The following SDK1 variants were observed in gnomAD, a reference collection of about 807,000 sequenced individuals.
SDK1 encodes the protein sidekick cell adhesion molecule 1, also known as protein sidekick-1.
A neutral mutation model predicts 245.5 loss-of-function variants in SDK1; 157 were observed. The observed-to-expected ratio is 0.64, with a 90% CI of 0.56 to 0.73. The LOEUF (loss-of-function observed/expected upper bound fraction) is 0.73, where lower values mean the gene tolerates loss of function less well. Among genes scored for constraint, SDK1 ranks in the 30% least tolerant of loss-of-function variants. The pLI is 0.00. For missense variants in SDK1, 3,583 were observed against 3,002.3 expected, an observed-to-expected ratio of 1.19 and a Z score of -4.52; for synonymous variants, 1,647 against 1,278.5, an observed-to-expected ratio of 1.29 and a Z score of -6.15.
intron 4 of SDK1, among the ~76,000 whole-genome samples, chr7:3,762,579 T>C (rs1212530821): frequency 1.3e-5 from 2 of 152,236 alleles, no homozygotes; most frequent in Admixed American, 1.3e-4. Context: ...CTTTTAGCGA[T>C]AGCCATTCTC....
intron 22 of SDK1, among the ~76,000 whole-genome samples, chr7:4,086,483 G>A (rs1781436467): frequency 1.3e-5 from 2 of 152,182 alleles, no homozygotes; most frequent in South Asian, 4.1e-4. Context: ...TTGTAGGACT[G>A]AGGTCCCCAT....
At chr7:3,744,122 A>T (rs574113372) in intron 4 of SDK1, among the ~76,000 whole-genome samples, 1 of 152,080 alleles carries the variant, frequency 6.6e-6, no homozygotes, top group African/African-American at 2.4e-5. Flanking sequence ...CTTGCTGTTC[A>T]TCTGCCTTGA....
chr7:3,761,255 C>A (rs1780088916), intron 4 of SDK1, among the ~76,000 whole-genome samples: 1 of 139,722 alleles, frequency 7.2e-6, no homozygotes, highest in Admixed American at 7.6e-5. Flanking sequence ...ATCAAGCCCC[C>A]CCTCCTTTTT....
Position 4,208,303 on chromosome 7 carries a change from T to A in SDK1, c.5401+18T>A. ...CCAGGCCGGTAGGAGGAAGGCGGGTTTCCTTTGGGCAGGCCTCCTTGGACA... is the reference window on the plus strand; with the variant it reads ...CCAGGCCGGTAGGAGGAAGGCGGGTATCCTTTGGGCAGGCCTCCTTGGACA... On this transcript the variant is annotated intron_variant, in intron 37 of 44. Transcript: ENST00000404826. The A allele has an allele frequency of 2.5e-6, 4 of 1,604,880 alleles. No homozygotes were observed. The highest frequency in any genetic ancestry group is 3.4e-6 in the Non-Finnish European group (4 of 1,173,934).
In SDK1 at chr7:4,266,789, T is replaced by TGTGCCCCGGGTCCCTGTAA; in HGVS notation, c.*1413_*1431dup. 1.0e-6 allele frequency: 1 copy of TGTGCCCCGGGTCCCTGTAA among 985,470 alleles called. No individual in the cohort carries two copies. The highest frequency in any genetic ancestry group is 4.7e-5 in the South Asian group (1 of 21,290). 61.0% of individuals were successfully genotyped at this position (985,470 alleles called of 1,614,324 possible). A position where few individuals can be genotyped will look rare whatever the true frequency, so the allele number is the denominator to read the frequency against. On this transcript the variant is annotated 3_prime_UTR_variant, in exon 45 of 45. Coordinates refer to ENST00000404826, the MANE Select transcript of SDK1 (RefSeq NM_152744.4). ...AGCACTGCTGGTGCCCACTGGCGTG[T>TGTGCCCCGGGTCCCTGTAA]GTGCCCCGGGTCCCTGTAAGTGCCC...
chr7:3,447,371 T>C (rs1041822784), intron 1 of SDK1, among the ~76,000 whole-genome samples: 8 of 152,128 alleles, frequency 5.3e-5, no homozygotes, highest in Non-Finnish European at 1.0e-4. Flanking sequence ...GATGTTAACA[T>C]TGTAGGGTGT....
Position 3,814,488 on chromosome 7 carries a change from C to T in SDK1, c.714-6962C>T, listed in dbSNP as rs565870270. On this transcript the variant is annotated intron_variant, in intron 4 of 44. Transcript: ENST00000404826. ...TTGATCTGTATCTCTGTTTTGGTAC[C>T]GGTACCATGCTGTTTTGGTTACTGT... 1.1e-4 allele frequency among the ~76,000 whole-genome samples: 16 copies of T among 151,922 alleles called. 1 individual carries two copies. The highest frequency in any genetic ancestry group is 7.7e-4 in the East Asian group (4 of 5,172).
intron 1 of SDK1, among the ~76,000 whole-genome samples, chr7:3,602,988 A>G (rs1206674969): frequency 6.6e-6 from 1 of 152,182 alleles, no homozygotes; most frequent in African/African-American, 2.4e-5. Context: ...AGATAGTTGT[A>G]GATATACATG....
At chr7:4,211,497 G>A (rs999733544) in intron 38 of SDK1, among the ~76,000 whole-genome samples, 10 of 152,150 alleles carry the variant, frequency 6.6e-5, no homozygotes, top group African/African-American at 2.2e-4. Flanking sequence ...GGGTACTGGC[G>A]TGAAGTGGAG....
At chr7:3,938,234 G>C (rs1477003725) in intron 5 of SDK1, among the ~76,000 whole-genome samples, 1 of 152,154 alleles carries the variant, frequency 6.6e-6, no homozygotes, top group Non-Finnish European at 1.5e-5. Flanking sequence ...ACCTAATCTT[G>C]AGACAAATAC....
chr7:3,668,612 G>A (rs1282449090), intron 4 of SDK1, among the ~76,000 whole-genome samples: 1 of 152,154 alleles, frequency 6.6e-6, no homozygotes, highest in Non-Finnish European at 1.5e-5. Context: ...CCAATATGGT[G>A]AAACCCCATC....
intron 17 of SDK1, among the ~76,000 whole-genome samples, chr7:4,041,297 T>C (rs868502693): frequency 3.3e-5 from 5 of 151,726 alleles, no homozygotes; most frequent in Non-Finnish European, 7.4e-5. Flanking sequence ...ACTTTTTTTT[T>C]TTTTTGGAGT....
intron 1 of SDK1, among the ~76,000 whole-genome samples, chr7:3,569,984 A>G (rs1780055009): frequency 6.6e-6 from 1 of 152,122 alleles, no homozygotes; most frequent in Non-Finnish European, 1.5e-5. Flanking sequence ...CCTTAGGACC[A>G]TTATTTTCTC....
At chr7:4,063,247 T>A (rs1779652688) in intron 19 of SDK1, among the ~76,000 whole-genome samples, 1 of 152,182 alleles carries the variant, frequency 6.6e-6, no homozygotes, top group Non-Finnish European at 1.5e-5. Flanking sequence ...ATAAATTTGG[T>A]GAGGTTGCAG....
At chr7:3,778,171 C>T (rs1198863771) in intron 4 of SDK1, among the ~76,000 whole-genome samples, 4 of 152,172 alleles carry the variant, frequency 2.6e-5, no homozygotes, top group South Asian at 4.1e-4. Context: ...AAATGAAAGT[C>T]TTCCCACCTT....
At chr7:3,906,869 A>G (rs112892545) in intron 5 of SDK1, among the ~76,000 whole-genome samples, 7 of 152,038 alleles carry the variant, frequency 4.6e-5, no homozygotes, top group South Asian at 2.1e-4. Flanking sequence ...AGCTCAGGCA[A>G]TCCGCCCACC....
intron 1 of SDK1, among the ~76,000 whole-genome samples, chr7:3,398,320 T>C (rs1778780770): frequency 6.6e-6 from 1 of 152,142 alleles, no homozygotes; most frequent in African/African-American, 2.4e-5. Context: ...TGATAAGGTG[T>C]TGCGGAGAGG....
In SDK1 at chr7:4,079,831, G is replaced by C. The variant is rs1280395339; in HGVS notation, c.3324+247G>C. ...TAAGAAGGGTTAAAATGAAAGTTGT[G>C]ATTCAAAATAGGTACCCAAAATTGG... On this transcript the variant is annotated intron_variant, in intron 22 of 44. Coordinates refer to ENST00000404826, the MANE Select transcript of SDK1 (RefSeq NM_152744.4). Among the ~76,000 whole-genome samples the C allele has an allele frequency of 5.9e-5, 9 of 152,294 alleles. No individual in the cohort carries two copies. The East Asian group carries it at 1.5e-3, about 26-fold the overall frequency.
intron 5 of SDK1, among the ~76,000 whole-genome samples, chr7:3,833,195 A>G (rs2115076730): frequency 6.6e-6 from 1 of 152,290 alleles, no homozygotes; most frequent in East Asian, 1.9e-4. Flanking sequence ...TTTCCATTTT[A>G]GTTCCTAAGT....
Sources: gnomAD v4.1 joint callset for allele counts (sites outside exome capture counted in the v4.1 genomes callset) on GRCh38, gnomAD v4.1.1 for gene constraint, MANE v1.5 for transcripts, NCBI Gene and HGNC (gene_info 2026-07-23, HGNC 2026-07-21) for gene names.